The following PRH1 variants were observed in gnomAD, a reference collection of about 807,000 sequenced individuals.
PRH1 encodes proline rich protein HaeIII subfamily 1.
PRH1 carries 7 observed loss-of-function variants against 7.9 expected under a neutral mutation model. That is an observed-to-expected ratio of 0.89 (90% CI 0.50 to 1.67). The LOEUF (loss-of-function observed/expected upper bound fraction) is 1.67. Among genes scored for constraint, PRH1 ranks in the 40% most tolerant of loss-of-function variants. PRH1 has a pLI of 0.00. For missense variants in PRH1, 109 were observed against 223.6 expected, an observed-to-expected ratio of 0.49 and a Z score of 3.27; for synonymous variants, 45 against 80.8, an observed-to-expected ratio of 0.56 and a Z score of 2.38.
Position 11,056,050 on chromosome 12 carries a change from ATAT to A in PRH1, n.124-8865_124-8863del, listed in dbSNP as rs751258415. ...CATACACACACCTCATAGTTGGGAAATATTATTGTCCTATAATTTCTAAAATGA... is the reference window on the plus strand; with the variant it reads ...CATACACACACCTCATAGTTGGGAAATATTGTCCTATAATTTCTAAAATGA... On this transcript the variant is annotated intron_variant and non_coding_transcript_variant, in intron 1 of 4. Coordinates refer to the PRH1 transcript ENST00000541977. Among the ~76,000 whole-genome samples, 8 of 152,390 alleles carry A rather than the reference ATAT, an allele frequency of 5.2e-5. No individual in the cohort carries two copies. The East Asian group carries it at 1.2e-3, about 22-fold the overall frequency.
At chr12:11,119,443 C>T (rs967804904), downstream of PRH1, among the ~76,000 whole-genome samples, 1 of 151,926 alleles carries the variant, frequency 6.6e-6, no homozygotes, top group Admixed American at 6.5e-5. Context: ...TTGTTTGTAA[C>T]AAAAAAGAGT....
intron 1 of PRH1, chr12:11,078,419 G>A (rs555700960): frequency 0.41 from 53,318 of 128,988 alleles, 8,895 homozygotes; most frequent in Non-Finnish European, 0.48. Flanking sequence ...TAATGGATGA[G>A]TTCAAAGCTG....
intron 1 of PRH1, among the ~76,000 whole-genome samples, chr12:11,004,747 G>C (rs1003819262): frequency 6.6e-6 from 1 of 151,854 alleles, no homozygotes; most frequent in East Asian, 1.9e-4. Flanking sequence ...TTATACTGGA[G>C]ATATTTCCTT....
intron 1 of PRH1, among the ~76,000 whole-genome samples, chr12:11,149,253 A>T (rs1403829222): frequency 6.6e-6 from 1 of 152,038 alleles, no homozygotes; most frequent in African/African-American, 2.4e-5. Context: ...GGATTCATTA[A>T]TTTTTTGAAA....
chr12:11,008,789 C>A (rs922952718), intron 1 of PRH1, among the ~76,000 whole-genome samples: 7 of 151,770 alleles, frequency 4.6e-5, no homozygotes, highest in Non-Finnish European at 1.0e-4. Flanking sequence ...TATACTTGGA[C>A]AGCTTCTTTT....
chr12:10,958,057 T>C (rs1015586537), intron 2 of PRH1, among the ~76,000 whole-genome samples: 2 of 152,144 alleles, frequency 1.3e-5, no homozygotes, highest in South Asian at 2.1e-4. Context: ...AATTCCATTA[T>C]TGGATATATA....
chr12:11,050,142 C>T (rs969521550), upstream of PRH1, among the ~76,000 whole-genome samples: 2 of 152,118 alleles, frequency 1.3e-5, no homozygotes, highest in African/African-American at 4.8e-5. Context: ...AAGACACACA[C>T]AGAAATATAG....
intron 1 of PRH1, among the ~76,000 whole-genome samples, chr12:11,076,100 TGAG>T (rs1944279636): frequency 8.8e-6 from 1 of 113,886 alleles, no homozygotes; most frequent in Admixed American, 8.9e-5. Context: ...ATATATCAGA[TGAG>T]GAGTTGACTT....
At chr12:11,068,292 T>C (rs982797575) in intron 1 of PRH1, among the ~76,000 whole-genome samples, 17 of 152,220 alleles carry the variant, frequency 1.1e-4, no homozygotes, top group African/African-American at 3.9e-4. Context: ...CAAATTACAA[T>C]ATATTAAAAA....
In PRH1 at chr12:10,996,207, G is replaced by A. The variant is rs1407939932; in HGVS notation, c.-125-22486C>T. Reference sequence around the variant, plus strand: ...AGCCACGTGTGGTAGCGCATGCCTGGAGTCCCAGCCACTCAGGAGGCTGAC... The same window carrying A: ...AGCCACGTGTGGTAGCGCATGCCTGAAGTCCCAGCCACTCAGGAGGCTGAC... On this transcript the variant is annotated intron_variant, in intron 1 of 3. Transcript: ENST00000539853. Among the ~76,000 whole-genome samples the A allele has an allele frequency of 2.0e-5, 3 of 151,398 alleles. No individual in the cohort carries two copies. The East Asian group carries it at 5.8e-4, about 29-fold the overall frequency.
At position 10,950,575 on chromosome 12, in the gene PRH1, G is replaced by A. The variant is rs1369557963; in HGVS notation, c.-59+23080C>T. Among the ~76,000 whole-genome samples the A allele has an allele frequency of 3.3e-5, 5 of 151,462 alleles. No individual in the cohort carries two copies. The East Asian group carries it at 7.7e-4, about 23-fold the overall frequency. ...TATTTAATATACTTATTTGTATTAT[G>A]TTGTTAACTTTTCTAATCTTTTTTC... On this transcript the variant is annotated intron_variant, in intron 2 of 3. Coordinates refer to the PRH1 transcript ENST00000539853.
chr12:11,048,911 G>A (rs553119945), upstream of PRH1: 112 of 273,210 alleles, frequency 4.1e-4, no homozygotes, highest in African/African-American at 2.4e-3. Context: ...AGAAAAATAA[G>A]GTTGGAGAAA....
intron 2 of PRH1, among the ~76,000 whole-genome samples, chr12:10,972,422 C>T (rs1171582679): frequency 6.6e-6 from 1 of 152,196 alleles, no homozygotes; most frequent in Non-Finnish European, 1.5e-5. Flanking sequence ...GAGTTCAATG[C>T]TGTCTTTATG....
chr12:11,091,863 T>G, intron 1 of PRH1: 1 of 1,357,188 alleles, frequency 7.4e-7, no homozygotes, highest in South Asian at 1.1e-5. Flanking sequence ...TTAACTCTCC[T>G]CTTTAAGTGA....
At chr12:10,904,194 A>T (rs1949769094) in intron 2 of PRH1, among the ~76,000 whole-genome samples, 1 of 151,922 alleles carries the variant, frequency 6.6e-6, no homozygotes, top group Non-Finnish European at 1.5e-5. Flanking sequence ...TTCATATAAA[A>T]CCAAAAAAAG....
chr12:10,996,113 C>T (rs145575203), intron 1 of PRH1, among the ~76,000 whole-genome samples: 291 of 151,300 alleles, frequency 1.9e-3, no homozygotes, highest in African/African-American at 6.7e-3. Flanking sequence ...GTCAAGAGTT[C>T]GAGACCAGCC....
At chr12:11,019,827 A>G (rs1486514036) in intron 1 of PRH1, among the ~76,000 whole-genome samples, 1 of 152,288 alleles carries the variant, frequency 6.6e-6, no homozygotes, top group Non-Finnish European at 1.5e-5. Flanking sequence ...CCTAAAAACA[A>G]AAGTGTGTTT....
chr12:10,947,672 G>T (rs115993410), intron 2 of PRH1, among the ~76,000 whole-genome samples: 3,009 of 152,082 alleles, frequency 0.02, 35 homozygotes, highest in South Asian at 0.032. Flanking sequence ...TCCTGTCATT[G>T]TGCTGTTAGC....
intron 2 of PRH1, chr12:10,938,469 A>G: frequency 6.2e-7 from 1 of 1,614,114 alleles, no homozygotes; most frequent in Non-Finnish European, 8.5e-7. Context: ...GATATGAAAA[A>G]AGACAGAGAG....
Sources: allele counts gnomAD v4.1 joint callset (sites outside exome capture counted in the v4.1 genomes callset), GRCh38; gene constraint gnomAD v4.1.1; transcripts MANE v1.5; gene names NCBI Gene and HGNC (gene_info 2026-07-23, HGNC 2026-07-21).